Variants in LRRC7 observed in about 807,000 individuals in gnomAD.
LRRC7 encodes the protein leucine rich repeat containing 7, also known as leucine-rich repeat-containing protein 7.
Under a neutral mutation model 175.7 loss-of-function variants are expected in LRRC7, and 23 were observed. That is an observed-to-expected ratio of 0.13 (90% CI 0.09 to 0.19). The LOEUF (loss-of-function observed/expected upper bound fraction) is 0.19. Ranked by LOEUF, LRRC7 falls within the 10% of genes least tolerant of loss-of-function variation. The probability of loss-of-function intolerance (pLI) is 1.00; values close to 1 mark genes in which losing one functional copy is unlikely to be tolerated. For synonymous variants in LRRC7, 685 were observed against 680.9 expected, an observed-to-expected ratio of 1.01 and a Z score of -0.09; for missense variants, 1,354 against 1,904.7, an observed-to-expected ratio of 0.71 and a Z score of 5.38.
At chr1:69,690,057 G>T (rs142532628) in intron 2 of LRRC7, among the ~76,000 whole-genome samples, 11 of 152,190 alleles carry the variant, frequency 7.2e-5, no homozygotes, top group Admixed American at 2.6e-4. Context: ...CAAACTTCAG[G>T]CAAATAACTT....
At chr1:69,700,030 T>C (rs528822250) in intron 2 of LRRC7, among the ~76,000 whole-genome samples, 2 of 152,288 alleles carry the variant, frequency 1.3e-5, no homozygotes, top group African/African-American at 4.8e-5. Context: ...TGGTAATAGC[T>C]TTTGGGGAGA....
intron 1 of LRRC7, among the ~76,000 whole-genome samples, chr1:69,603,284 A>G (rs1193606260): frequency 6.6e-6 from 1 of 152,166 alleles, no homozygotes; most frequent in East Asian, 1.9e-4. Context: ...TTTTTGAGGC[A>G]ATTATTCAAT....
intron 2 of LRRC7, among the ~76,000 whole-genome samples, chr1:69,747,511 T>C (rs1048229947): frequency 2.6e-5 from 4 of 152,138 alleles, no homozygotes; most frequent in African/African-American, 9.6e-5. Flanking sequence ...ACAACTACGC[T>C]GGTAGCACTG....
At chr1:69,936,213 G>A (rs1041530556) in intron 8 of LRRC7, among the ~76,000 whole-genome samples, 1 of 152,090 alleles carries the variant, frequency 6.6e-6, no homozygotes, top group Non-Finnish European at 1.5e-5. Flanking sequence ...CTCAAACTTA[G>A]GCATCTGGAC....
rs1167617195 is a variant in LRRC7 at position 70,023,114 on chromosome 1, C to T, written c.1546-12C>T. ...TCTTTCTCCCAGAAAATGGAGATTCCTTCTCCCACAGGATCTCTCCTGCCA... is the reference window on the plus strand; with the variant it reads ...TCTTTCTCCCAGAAAATGGAGATTCTTTCTCCCACAGGATCTCTCCTGCCA... On this transcript the variant is annotated splice_polypyrimidine_tract_variant and intron_variant, in intron 16 of 26. Coordinates refer to ENST00000651989, the MANE Select transcript of LRRC7 (RefSeq NM_001370785.2). The T allele has an allele frequency of 5.1e-6, 7 of 1,384,946 alleles. No individual in the cohort carries two copies. The East Asian group carries it at 1.6e-4, about 31-fold the overall frequency. The allele number at this position is 1,384,946 out of a possible 1,614,324, so 85.8% of individuals were successfully genotyped here. A position where few individuals can be genotyped will look rare whatever the true frequency, so the allele number is the denominator to read the frequency against.
intron 13 of LRRC7, among the ~76,000 whole-genome samples, chr1:70,014,467 T>A (rs1460220935): frequency 8.6e-5 from 13 of 151,966 alleles, no homozygotes; most frequent in Non-Finnish European, 1.5e-5. Context: ...AAGTTTAAAA[T>A]AAATTCATCA....
chr1:69,828,775 T>C (rs1259397048), intron 5 of LRRC7, among the ~76,000 whole-genome samples: 2 of 152,058 alleles, frequency 1.3e-5, no homozygotes, highest in Non-Finnish European at 2.9e-5. Context: ...TGTTTTGATG[T>C]AAAATGCCTT....
chr1:69,591,642 T>C (rs1303738989), intron 1 of LRRC7, among the ~76,000 whole-genome samples: 2 of 152,038 alleles, frequency 1.3e-5, no homozygotes, highest in East Asian at 3.8e-4. Flanking sequence ...CCAAGATAAA[T>C]ATTTTTATTT....
chr1:70,060,302 T>G (rs1225294990), intron 23 of LRRC7, among the ~76,000 whole-genome samples: 1 of 151,730 alleles, frequency 6.6e-6, no homozygotes, highest in Non-Finnish European at 1.5e-5. Flanking sequence ...CCAGCCTAGG[T>G]GACAAGAGCA....
intron 1 of LRRC7, among the ~76,000 whole-genome samples, chr1:69,674,050 C>G (rs1659461255): frequency 6.6e-6 from 1 of 152,096 alleles, no homozygotes; most frequent in Non-Finnish European, 1.5e-5. Context: ...CTCTATTGCC[C>G]AGGCTGGAGT....
chr1:69,995,748 G>A (rs963609573), intron 11 of LRRC7, among the ~76,000 whole-genome samples: 1 of 151,954 alleles, frequency 6.6e-6, no homozygotes, highest in African/African-American at 2.4e-5. Flanking sequence ...ATTTTTTATG[G>A]CTGCATAGTA....
intron 1 of LRRC7, among the ~76,000 whole-genome samples, chr1:69,664,991 G>A (rs1269134344): frequency 6.6e-6 from 1 of 152,100 alleles, no homozygotes; most frequent in Non-Finnish European, 1.5e-5. Context: ...TATGGTGAGA[G>A]ATAGGTGTCG....
chr1:69,975,377 A>T (rs1652708205), intron 8 of LRRC7, among the ~76,000 whole-genome samples: 1 of 152,160 alleles, frequency 6.6e-6, no homozygotes, highest in East Asian at 1.9e-4. Context: ...TATCCAAAAC[A>T]ACTTCAGAAA....
At chr1:69,938,163 A>G (rs2101790193) in intron 8 of LRRC7, among the ~76,000 whole-genome samples, 1 of 152,188 alleles carries the variant, frequency 6.6e-6, no homozygotes, top group East Asian at 1.9e-4. Context: ...AGTTGGATTG[A>G]ATTTAAAAGT....
At chr1:69,751,819 A>T (rs1165841506) in intron 2 of LRRC7, among the ~76,000 whole-genome samples, 2 of 152,156 alleles carry the variant, frequency 1.3e-5, no homozygotes, top group African/African-American at 4.8e-5. Flanking sequence ...AGAACTTAAA[A>T]TATGTAATAA....
chr1:69,751,329 A>G (rs567227505), intron 2 of LRRC7, among the ~76,000 whole-genome samples: 110 of 152,252 alleles, frequency 7.2e-4, no homozygotes, highest in South Asian at 5.4e-3. Context: ...ATTAATAAGT[A>G]TTTATTACAT....
chr1:69,732,242 G>A (rs555951602), intron 2 of LRRC7, among the ~76,000 whole-genome samples: 2 of 151,812 alleles, frequency 1.3e-5, no homozygotes, highest in South Asian at 4.2e-4. Context: ...TTAAATAAAG[G>A]AAATACTTAA....
intron 23 of LRRC7, among the ~76,000 whole-genome samples, chr1:70,054,631 G>A (rs575390949): frequency 1.3e-3 from 150 of 111,664 alleles, no homozygotes; most frequent in Middle Eastern, 0.01. Flanking sequence ...TTGCTCTGTC[G>A]CCTAGGCTGG....
intron 6 of LRRC7, among the ~76,000 whole-genome samples, chr1:69,836,428 GT>G (rs1681112516): frequency 6.6e-6 from 1 of 151,914 alleles, no homozygotes; most frequent in South Asian, 2.1e-4. Context: ...ATCAGAAAAT[GT>G]TTAATTATTA....
Sources: gnomAD v4.1 joint callset for allele counts (sites outside exome capture counted in the v4.1 genomes callset) on GRCh38, gnomAD v4.1.1 for gene constraint, MANE v1.5 for transcripts, NCBI Gene and HGNC (gene_info 2026-07-23, HGNC 2026-07-21) for gene names.